Variants in STPG2 observed in about 807,000 individuals in gnomAD.
STPG2 encodes sperm tail PG-rich repeat containing 2.
A neutral mutation model predicts 54.2 loss-of-function variants in STPG2; 56 were observed. That is an observed-to-expected ratio of 1.03 (90% confidence interval 0.83 to 1.29). STPG2 has a LOEUF of 1.29. Ranked by LOEUF, STPG2 falls within the 50% of genes most tolerant of loss-of-function variation. STPG2 has a pLI of 0.00. For missense variants in STPG2, 596 were observed against 544.9 expected (o/e 1.09, Z -0.93); for synonymous variants, 200 against 181.8 (o/e 1.10, Z -0.81).
chr4:97,738,039 A>G (rs1258791431), intron 9 of STPG2, among the ~76,000 whole-genome samples: 1 of 152,224 alleles, frequency 6.6e-6, no homozygotes, highest in Non-Finnish European at 1.5e-5. Context: ...AAGCCAGAAG[A>G]GAGCGAAGGC....
intron 9 of STPG2, among the ~76,000 whole-genome samples, chr4:97,803,896 C>G (rs1476290151): frequency 2.0e-5 from 3 of 152,130 alleles, no homozygotes; most frequent in Non-Finnish European, 4.4e-5. Flanking sequence ...TCCGATGTCA[C>G]GTTATTTCAA....
At chr4:97,702,436 G>A (rs1409082602) in intron 10 of STPG2, among the ~76,000 whole-genome samples, 2 of 151,976 alleles carry the variant, frequency 1.3e-5, no homozygotes, top group African/African-American at 2.4e-5. Flanking sequence ...CCTTCTCATG[G>A]GTCAAACCCT....
intron 5 of STPG2, among the ~76,000 whole-genome samples, chr4:98,086,183 C>A (rs568385480): frequency 6.6e-6 from 1 of 152,102 alleles, no homozygotes; most frequent in African/African-American, 2.4e-5. Flanking sequence ...ATAATATATA[C>A]TAAAGTATGC....
At chr4:97,827,470 C>T (rs1022016014) in intron 9 of STPG2, among the ~76,000 whole-genome samples, 5 of 152,114 alleles carry the variant, frequency 3.3e-5, no homozygotes, top group African/African-American at 1.2e-4. Flanking sequence ...CTCCTGACCT[C>T]GTGATCCACT....
intron 10 of STPG2, among the ~76,000 whole-genome samples, chr4:97,693,601 C>G (rs1276853621): frequency 1.3e-5 from 2 of 152,064 alleles, no homozygotes; most frequent in African/African-American, 2.4e-5. Context: ...TTCAATACTC[C>G]ACTGACAGCA....
intron 4 of STPG2, among the ~76,000 whole-genome samples, chr4:97,513,828 T>C (rs574858331): frequency 1.3e-5 from 2 of 152,250 alleles, no homozygotes; most frequent in Non-Finnish European, 2.9e-5. Context: ...CAGATATTTC[T>C]GACAGTTTTC....
intron 5 of STPG2, among the ~76,000 whole-genome samples, chr4:98,102,853 T>C (rs1032605858): frequency 5.4e-5 from 8 of 148,574 alleles, no homozygotes; most frequent in Non-Finnish European, 1.0e-4. Flanking sequence ...TACAACATAA[T>C]GTATATTAAT....
intron 9 of STPG2, among the ~76,000 whole-genome samples, chr4:97,810,680 T>A (rs1249993755): frequency 6.6e-6 from 1 of 151,990 alleles, no homozygotes; most frequent in African/African-American, 2.4e-5. Flanking sequence ...ATTAATGAAT[T>A]CTAAATAAAG....
intron 4 of STPG2, among the ~76,000 whole-genome samples, chr4:97,551,743 GA>G (rs1239666827): frequency 3.3e-5 from 5 of 152,134 alleles, no homozygotes; most frequent in Admixed American, 1.3e-4. Context: ...CATGTACATA[GA>G]AAAAATAACA....
intron 4 of STPG2, among the ~76,000 whole-genome samples, chr4:97,512,143 A>G (rs1029941139): frequency 6.6e-6 from 1 of 152,118 alleles, no homozygotes; most frequent in Admixed American, 6.6e-5. Flanking sequence ...TGAACATTGA[A>G]TTAGAAGTGT....
chr4:97,770,997 T>C (rs1172066453), intron 9 of STPG2, among the ~76,000 whole-genome samples: 1 of 152,154 alleles, frequency 6.6e-6, no homozygotes, highest in Non-Finnish European at 1.5e-5. Context: ...AGGAAAGAAG[T>C]GCATGCTGTA....
chr4:97,494,497 T>C (rs1730565698), intron 4 of STPG2, among the ~76,000 whole-genome samples: 1 of 151,572 alleles, frequency 6.6e-6, no homozygotes. Flanking sequence ...CTTATATGTA[T>C]CTAGAAGTCA....
intron 9 of STPG2, among the ~76,000 whole-genome samples, chr4:97,727,641 T>C (rs1441832323): frequency 1.3e-5 from 2 of 151,824 alleles, no homozygotes; most frequent in Non-Finnish European, 2.9e-5. Context: ...TTACAGGTCA[T>C]ATCAGAGCCT....
intron 7 of STPG2, among the ~76,000 whole-genome samples, chr4:97,954,469 T>A (rs547195683): frequency 1.4e-4 from 22 of 152,298 alleles, no homozygotes; most frequent in Admixed American, 1.4e-3. Context: ...CATGGCCTAT[T>A]TCTTGATCAA....
intron 10 of STPG2, among the ~76,000 whole-genome samples, chr4:97,707,555 G>C (rs1369398373): frequency 1.3e-5 from 2 of 151,940 alleles, no homozygotes; most frequent in Non-Finnish European, 2.9e-5. Context: ...AATAAAAGAG[G>C]ATGGAGGGAG....
intron 10 of STPG2, among the ~76,000 whole-genome samples, chr4:97,636,925 C>T (rs201410512): frequency 0.88 from 134,054 of 151,512 alleles, 59,655 homozygotes; most frequent in African/African-American, 0.98. Flanking sequence ...AAGGAGGAAC[C>T]GGTACCATTC....
chr4:97,458,214 A>G (rs1396455360), intron 4 of STPG2, among the ~76,000 whole-genome samples: 1 of 152,196 alleles, frequency 6.6e-6, no homozygotes, highest in African/African-American at 2.4e-5. Flanking sequence ...ATACAAAAGT[A>G]TCTGAAAGTA....
At chr4:97,815,711 AC>A (rs1294183861) in intron 9 of STPG2, among the ~76,000 whole-genome samples, 1 of 152,150 alleles carries the variant, frequency 6.6e-6, no homozygotes, top group Non-Finnish European at 1.5e-5. Flanking sequence ...TTTTGGTTGT[AC>A]ACAGGATAGC....
intron 4 of STPG2, among the ~76,000 whole-genome samples, chr4:97,508,843 T>TA (rs1424609419): frequency 6.6e-6 from 1 of 152,142 alleles, no homozygotes; most frequent in African/African-American, 2.4e-5. Context: ...TGCTTTATAC[T>TA]AGAGGGCCAA....
Sources: gnomAD v4.1 joint callset for allele counts (sites outside exome capture counted in the v4.1 genomes callset) on GRCh38, gnomAD v4.1.1 for gene constraint, MANE v1.5 for transcripts, NCBI Gene and HGNC (gene_info 2026-07-23, HGNC 2026-07-21) for gene names.